Variants in ANKRD30A observed in about 807,000 individuals in gnomAD.
ANKRD30A encodes ankyrin repeat domain-containing protein 30A.
ANKRD30A carries 170 observed loss-of-function variants against 166.3 expected under a neutral mutation model. That is an observed-to-expected ratio of 1.02 (90% CI 0.90 to 1.16). ANKRD30A has a LOEUF of 1.16. ANKRD30A is among the 50% of genes most tolerant of loss of function. ANKRD30A has a pLI of 0.00. For missense variants in ANKRD30A, 1,630 were observed against 1,518.0 expected (o/e 1.07, Z -1.23); for synonymous variants, 564 against 508.9 (o/e 1.11, Z -1.46).
At chr10:37,223,116 A>G (rs541664481) in intron 34 of ANKRD30A, among the ~76,000 whole-genome samples, 1 of 151,526 alleles carries the variant, frequency 6.6e-6, no homozygotes, top group South Asian at 2.1e-4. Flanking sequence ...GACTATTGAG[A>G]AAAATTATGT....
chr10:37,253,506 A>AG, the ANKRD30A span, among the ~76,000 whole-genome samples: 2 of 152,150 alleles, frequency 1.3e-5, no homozygotes, highest in African/African-American at 2.4e-5. Context: ...ATTTCCCCCC[A>AG]GGCAGCGCTA....
chr10:37,219,603 A>G lies in ANKRD30A; in HGVS notation c.3891A>G (p.Glu1297=), dbSNP rs1489964759. The change falls in exon 34 of 36, where the codon GAA becomes GAG. Residue 1297 remains glutamate, a synonymous_variant. Coordinates refer to ENST00000361713, the MANE Select transcript of ANKRD30A (RefSeq NM_052997.3). ...GTGAAACACAGTGTCAAATGAAGGA[A>G]GCTGAACACATGTATCAAAACGAAC... ...DQRETQCQMK[E]AEHMYQNEQD... is the part of the protein sequence containing the mutation. 6.2e-7 allele frequency: 1 copy of G among 1,610,388 alleles called. No individual in the cohort carries two copies. Among genetic ancestry groups the G allele is most frequent in the South Asian group, 1.1e-5 (1 of 90,964 alleles).
chr10:37,199,262 G>T (rs930787386), intron 29 of ANKRD30A, among the ~76,000 whole-genome samples: 2 of 152,048 alleles, frequency 1.3e-5, no homozygotes, highest in African/African-American at 4.8e-5. Flanking sequence ...ACATCAAAAA[G>T]TTAATATTCC....
intron 34 of ANKRD30A, among the ~76,000 whole-genome samples, chr10:37,226,238 T>C (rs2132758774): frequency 6.8e-6 from 1 of 148,090 alleles, no homozygotes; most frequent in East Asian, 2.0e-4. Context: ...GTATATCTCC[T>C]AATGCTATCC....
intron 35 of ANKRD30A, among the ~76,000 whole-genome samples, chr10:37,232,189 G>T (rs1843438034): frequency 6.6e-6 from 1 of 151,468 alleles, no homozygotes; most frequent in Non-Finnish European, 1.5e-5. Context: ...AATAAACATG[G>T]AACACTTAAA....
At chr10:37,198,365 G>A (rs1841331447) in intron 29 of ANKRD30A, among the ~76,000 whole-genome samples, 1 of 151,846 alleles carries the variant, frequency 6.6e-6, no homozygotes, top group Non-Finnish European at 1.5e-5. Context: ...TTAATATTAG[G>A]TTATTTATAA....
intron 6 of ANKRD30A, among the ~76,000 whole-genome samples, chr10:37,140,996 A>G (rs914623918): frequency 3.3e-5 from 5 of 152,102 alleles, no homozygotes; most frequent in Admixed American, 2.6e-4. Flanking sequence ...TCATTTATCC[A>G]CTTGTCCACT....
At chr10:37,248,389 C>A in the ANKRD30A span, 3 of 316,378 alleles carry the variant, frequency 9.5e-6, no homozygotes, top group South Asian at 3.0e-5. Flanking sequence ...GCACACACAG[C>A]AAGCCAAGTA....
At chr10:37,197,592 C>G in intron 29 of ANKRD30A, 112 bp downstream of exon 29, 1 of 1,501,720 alleles carries the variant, frequency 6.7e-7, no homozygotes. Context: ...AAGTTTTGAT[C>G]TAGGTAATGC....
At chr10:37,137,900 C>A (rs1388551478) in intron 6 of ANKRD30A, among the ~76,000 whole-genome samples, 1 of 152,138 alleles carries the variant, frequency 6.6e-6, no homozygotes, top group Non-Finnish European at 1.5e-5. Flanking sequence ...CAGCACGCAG[C>A]TGGAGATCTG....
intron 25 of ANKRD30A, among the ~76,000 whole-genome samples, chr10:37,191,149 A>G (rs1262896186): frequency 6.6e-6 from 1 of 151,490 alleles, no homozygotes; most frequent in African/African-American, 2.4e-5. Context: ...TTGAAAGCTT[A>G]TTAAATTTGC....
At chr10:37,195,112 T>C (rs1465060226) in intron 27 of ANKRD30A, among the ~76,000 whole-genome samples, 3 of 152,178 alleles carry the variant, frequency 2.0e-5, no homozygotes, top group Admixed American at 6.5e-5. Flanking sequence ...GGTGTATTTG[T>C]TGAACTTCAG....
intron 34 of ANKRD30A, among the ~76,000 whole-genome samples, chr10:37,225,897 A>G (rs935928404): frequency 6.6e-6 from 1 of 151,636 alleles, no homozygotes; most frequent in Non-Finnish European, 1.5e-5. Context: ...ACCACAATCT[A>G]TTCTAGAATA....
chr10:37,128,731 C>T (rs1836204306), intron 1 of ANKRD30A, among the ~76,000 whole-genome samples: 1 of 151,978 alleles, frequency 6.6e-6, no homozygotes, highest in Admixed American at 6.5e-5. Context: ...AAAAATTTCA[C>T]ATTTACTTGC....
rs1431191098 is a variant in ANKRD30A at position 37,129,924 on chromosome 10, C to T, written c.253C>T (p.His85Tyr). 1.1e-5 allele frequency: 18 copies of T among 1,570,634 alleles called. No individual in the cohort carries two copies. Among genetic ancestry groups the T allele is most frequent in the Non-Finnish European group, 1.5e-5 (17 of 1,155,804 alleles). Residue 85 changes from histidine to tyrosine, a missense_variant, in exon 2 of 36, where the codon CAT becomes TAT. Around this residue, in one of 4 missense-constraint regions of ANKRD30A, gnomAD observed 904 missense variants for 818.5 expected, o/e 1.10. Transcript: ENST00000361713. Reference protein sequence around the residue: ...TALHWACVNGHEEVVTFLVDR... With the variant: ...TALHWACVNGYEEVVTFLVDR... The stretch of plus-strand genomic sequence containing the variant: ...TCTACACTGGGCCTGTGTCAATGGC[C>T]ATGAGGAAGTAGTAACATTTCTGGT...
rs1373345441 is a variant in ANKRD30A, at chr10:37,219,764, CAATT to C, written c.4053_4056del (p.Asp1353PhefsTer13). On this transcript the variant is annotated frameshift_variant, in exon 34 of 36. Coordinates refer to ENST00000361713, the MANE Select transcript of ANKRD30A (RefSeq NM_052997.3). LOFTEE classifies it high-confidence loss of function. ...AAAGCTGACAACAAAAGCAAGATAA[CAATT>C]GATATTCATTTTCTTGAGAGGAAAA... The C allele has an allele frequency of 6.2e-7, 1 of 1,608,114 alleles. No individual in the cohort carries two copies. The highest frequency in any genetic ancestry group is 2.2e-5 in the East Asian group (1 of 44,654).
At chr10:37,130,434 TA>T (rs1467453562) in intron 3 of ANKRD30A, 56 bp downstream of exon 3, 1 of 1,318,836 alleles carries the variant, frequency 7.6e-7, no homozygotes, top group Non-Finnish European at 9.9e-7. Flanking sequence ...GTTTTAACAT[TA>T]ACATATGTAA....
chr10:37,130,551 T>C (rs1159350027), intron 3 of ANKRD30A, among the ~76,000 whole-genome samples, 173 bp downstream of exon 3: 1 of 152,240 alleles, frequency 6.6e-6, no homozygotes. Context: ...ACAAGAACTA[T>C]TAGAGAGTAT....
intron 25 of ANKRD30A, among the ~76,000 whole-genome samples, chr10:37,191,063 T>C (rs193282205): frequency 1.3e-5 from 2 of 152,004 alleles, no homozygotes; most frequent in African/African-American, 4.8e-5. Flanking sequence ...GTAGGTATTT[T>C]ACTGATTTTA....
Sources: allele counts gnomAD v4.1 joint callset (sites outside exome capture counted in the v4.1 genomes callset), GRCh38; gene constraint gnomAD v4.1.1; regional missense constraint gnomAD v4.1.1; transcripts MANE v1.5; gene names NCBI Gene and HGNC (gene_info 2026-07-23, HGNC 2026-07-21).